The following USH2A variants were observed in gnomAD, a reference collection of about 807,000 sequenced individuals.
The protein encoded by USH2A is usherin.
USH2A carries 443 observed loss-of-function variants against 538.9 expected under a neutral mutation model. The observed-to-expected ratio is 0.82, with a 90% CI of 0.76 to 0.89. The LOEUF (loss-of-function observed/expected upper bound fraction) is 0.89, where lower values mean the gene tolerates loss of function less well. Among genes scored for constraint, USH2A ranks in the 40% least tolerant of loss-of-function variants. USH2A has a pLI of 0.00. For missense variants in USH2A, 6,633 were observed against 6,324.8 expected (o/e 1.05, Z -1.65); for synonymous variants, 2,413 against 2,273.5 (o/e 1.06, Z -1.75).
At chr1:216,112,169 G>C (rs1352529457) in intron 21 of USH2A, among the ~76,000 whole-genome samples, 4 of 152,032 alleles carry the variant, frequency 2.6e-5, no homozygotes, top group African/African-American at 9.7e-5. Flanking sequence ...GAAAATATGA[G>C]CGCCCTGGAA....
intron 21 of USH2A, among the ~76,000 whole-genome samples, chr1:216,162,534 C>T (rs889463848): frequency 1.3e-5 from 2 of 152,050 alleles, no homozygotes; most frequent in East Asian, 3.9e-4. Flanking sequence ...GATTATTTTA[C>T]CTTTTACTAA....
rs1005059071 is a variant in USH2A at position 216,200,989 on chromosome 1, C to A, written c.3317-868G>T. 5.2e-3 allele frequency among the ~76,000 whole-genome samples: 432 copies of A among 82,604 alleles called. 13 individuals carry two copies. Among genetic ancestry groups the A allele is most frequent in the East Asian group, 0.02 (37 of 1,834 alleles). The allele number at this position is 82,604 out of a possible 152,430, so 54.2% of individuals were successfully genotyped here. On this transcript the variant is annotated intron_variant, in intron 16 of 71. Transcript: ENST00000307340. ...CCTCCCCCCATCCATCCCTCCCTCC[C>A]TCCCTCCCTCCCTCCCTCCCTCCCT...
At chr1:216,048,735 AAGAG>A (rs921025124) in intron 30 of USH2A, 88 bp from the exon 31 acceptor site, 2 of 1,101,526 alleles carry the variant, frequency 1.8e-6, no homozygotes, top group Admixed American at 1.7e-5. Context: ...GTGTGTCTAT[AAGAG>A]AGAGAGACAA....
intron 35 of USH2A, among the ~76,000 whole-genome samples, chr1:215,975,551 G>C (rs1331501598): frequency 6.6e-6 from 1 of 152,144 alleles, no homozygotes; most frequent in Non-Finnish European, 1.5e-5. Flanking sequence ...AGCTACCCCA[G>C]CACCATTTTT....
In USH2A at chr1:216,219,010, GTA is replaced by G. The variant is rs1284977728; in HGVS notation, c.2994-1462_2994-1461del. 1.9e-3 allele frequency among the ~76,000 whole-genome samples: 237 copies of G among 124,260 alleles called. 3 individuals are homozygous for G. Among genetic ancestry groups the G allele is most frequent in the Admixed American group, 1.2e-3 (14 of 12,148 alleles). 81.5% of individuals were successfully genotyped at this position (124,260 alleles called of 152,430 possible). A position where few individuals can be genotyped will look rare whatever the true frequency, so the allele number is the denominator to read the frequency against. On this transcript the variant is annotated intron_variant, in intron 14 of 71. Coordinates refer to ENST00000307340, the MANE Select transcript of USH2A (RefSeq NM_206933.4). ...AATGTATGTGTGTGTGTGTGTGTGT[GTA>G]TATATGTATGTGTAACTGCACCACT...
chr1:216,078,430 C>A (rs1346159869), intron 26 of USH2A, 68 bp from the exon 27 acceptor site: 4 of 1,466,732 alleles, frequency 2.7e-6, no homozygotes, highest in Non-Finnish European at 3.8e-6. Flanking sequence ...TGGGAGAGAG[C>A]AGAAAGTCAA....
rs749935864 is a variant in USH2A at position 215,629,113 on chromosome 1, CATTG to C, written c.15298-82_15298-79del. 219 of 1,392,286 alleles carry C rather than the reference CATTG, an allele frequency of 1.6e-4. 1 individual carries two copies. The highest frequency in any genetic ancestry group is 2.1e-4 in the Non-Finnish European group (209 of 981,398). 86.2% of individuals were successfully genotyped at this position (1,392,286 alleles called of 1,614,324 possible). A position where few individuals can be genotyped will look rare whatever the true frequency, so the allele number is the denominator to read the frequency against. Reference sequence around the variant, plus strand: ...ATATGACAGAGAATTGTGTCTCACACATTGTCAGTGAAGGGAATGACTGTCTCCT... The same window carrying C: ...ATATGACAGAGAATTGTGTCTCACACTCAGTGAAGGGAATGACTGTCTCCT... On this transcript the variant is annotated intron_variant, in intron 70 of 71. Transcript: ENST00000307340.
intron 11 of USH2A, among the ~76,000 whole-genome samples, chr1:216,258,771 T>G (rs1237879652): frequency 6.6e-6 from 1 of 152,130 alleles, no homozygotes; most frequent in Non-Finnish European, 1.5e-5. Flanking sequence ...CATATTTTTA[T>G]CATTTCAAGC....
At chr1:216,161,870 G>T (rs908864802) in intron 21 of USH2A, among the ~76,000 whole-genome samples, 6 of 151,558 alleles carry the variant, frequency 4.0e-5, no homozygotes, top group African/African-American at 1.5e-4. Flanking sequence ...TTATATTCTG[G>T]CATTCATTTA....
chr1:215,881,599 TAAGA>T (rs1553272456), intron 41 of USH2A, among the ~76,000 whole-genome samples: 3 of 152,214 alleles, frequency 2.0e-5, no homozygotes, highest in Non-Finnish European at 2.9e-5. Flanking sequence ...CCATTGTACA[TAAGA>T]AAGATTATGA....
At chr1:216,022,145 TG>T (rs1668858601) in intron 32 of USH2A, among the ~76,000 whole-genome samples, 1 of 152,174 alleles carries the variant, frequency 6.6e-6, no homozygotes, top group African/African-American at 2.4e-5. Context: ...CCATGCTTCC[TG>T]TACAGCCTCC....
intron 47 of USH2A, 61 bp downstream of exon 47, chr1:215,837,930 T>C: frequency 7.3e-7 from 1 of 1,364,266 alleles, no homozygotes; most frequent in Admixed American, 1.7e-5. Context: ...ATACCTTTGA[T>C]TTTTATTTTC....
At position 216,073,239 on chromosome 1, in the gene USH2A, A is replaced by T; in HGVS notation, c.5634T>A (p.Ser1878=). The T allele has an allele frequency of 6.2e-7, 1 of 1,613,930 alleles. No homozygotes were observed. Among genetic ancestry groups the T allele is most frequent in the South Asian group, 1.1e-5 (1 of 91,070 alleles). ...FTRGAVVNLA[S]VSSGAVRVNL... ...TGACTCTGACAGCACCGCTGGACACAGATGCCAAGTTAACGACAGCACCCC... is the reference window on the plus strand; with the variant it reads ...TGACTCTGACAGCACCGCTGGACACTGATGCCAAGTTAACGACAGCACCCC... The change falls in exon 28 of 72, where the codon TCT becomes TCA. Residue 1878 remains serine, a synonymous_variant. Coordinates refer to ENST00000307340, the MANE Select transcript of USH2A (RefSeq NM_206933.4).
intron 21 of USH2A, among the ~76,000 whole-genome samples, chr1:216,097,487 T>TG (rs1474066288): frequency 6.6e-6 from 1 of 152,108 alleles, no homozygotes; most frequent in Non-Finnish European, 1.5e-5. Context: ...AAAGACATAT[T>TG]GTCAACCCAA....
At chr1:215,980,122 A>C (rs1240713244) in intron 35 of USH2A, among the ~76,000 whole-genome samples, 1 of 152,238 alleles carries the variant, frequency 6.6e-6, no homozygotes, top group Non-Finnish European at 1.5e-5. Context: ...GCAGGGGAGC[A>C]TGCCAGGTAA....
At chr1:215,977,592 C>T (rs764807524) in intron 35 of USH2A, among the ~76,000 whole-genome samples, 2 of 152,106 alleles carry the variant, frequency 1.3e-5, no homozygotes, top group African/African-American at 2.4e-5. Flanking sequence ...CTGCAACCTC[C>T]GCCTCCCAGG....
chr1:215,967,383 G>A (rs1387252831), intron 36 of USH2A, among the ~76,000 whole-genome samples: 1 of 152,046 alleles, frequency 6.6e-6, no homozygotes, highest in Non-Finnish European at 1.5e-5. Flanking sequence ...TGGCCAGGCT[G>A]GTCTCGAACT....
intron 61 of USH2A, among the ~76,000 whole-genome samples, chr1:215,725,906 A>T (rs1659802740): frequency 6.6e-6 from 1 of 152,212 alleles, no homozygotes; most frequent in Admixed American, 6.5e-5. Flanking sequence ...TGGATTCATC[A>T]TATACTTTAA....
At chr1:216,351,625 C>G (rs2038289115) in intron 4 of USH2A, among the ~76,000 whole-genome samples, 1 of 152,110 alleles carries the variant, frequency 6.6e-6, no homozygotes, top group Non-Finnish European at 1.5e-5. Flanking sequence ...GCATTTTGAG[C>G]AGAGAAGTAA....
Sources: allele counts gnomAD v4.1 joint callset (sites outside exome capture counted in the v4.1 genomes callset), GRCh38; gene constraint gnomAD v4.1.1; transcripts MANE v1.5; gene names NCBI Gene and HGNC (gene_info 2026-07-23, HGNC 2026-07-21).